SEC23B: variants seen among roughly 807,000 people sequenced by gnomAD.
SEC23B encodes SEC23 homolog B, COPII component, also known as protein transport protein Sec23B.
Under a neutral mutation model 104.3 loss-of-function variants are expected in SEC23B, and 77 were observed. The observed-to-expected ratio is 0.74, with a 90% CI of 0.61 to 0.89. The LOEUF (loss-of-function observed/expected upper bound fraction) is 0.89. Ranked by LOEUF, SEC23B falls within the 40% of genes least tolerant of loss-of-function variation. The pLI is 0.00. For missense variants in SEC23B, 885 were observed against 949.4 expected (o/e 0.93, Z 0.89); for synonymous variants, 338 against 332.5 (o/e 1.02, Z -0.18).
Position 18,511,052 on chromosome 20 carries a change from C to T in SEC23B, c.217C>T (p.Leu73Phe), listed in dbSNP as rs752891023. The change falls in exon 2 of 20, where the codon CTT (leucine) becomes TTT (phenylalanine). Residue 73 changes from leucine (L) to phenylalanine (F), a missense_variant. Transcript: ENST00000650089. ...RPTCKAVLNP[L>F]CQVDYRAKLW... ...AACTTGTAAAGCTGTTCTCAACCCA[C>T]TTTGGTATGGATTCTTTTGAAACTG... 6.2e-7 allele frequency: 1 copy of T among 1,605,322 alleles called. No individual in the cohort carries two copies. Among genetic ancestry groups the T allele is most frequent in the Non-Finnish European group, 8.5e-7 (1 of 1,171,964 alleles).
intron 19 of SEC23B, among the ~76,000 whole-genome samples, chr20:18,557,745 C>CTTTTTTTTTTTTTTTTTTTTTTTTT (rs11477198): frequency 7.7e-5 from 9 of 116,822 alleles, no homozygotes; most frequent in Non-Finnish European, 1.1e-4. Flanking sequence ...TTTTTCTTTT[C>CTTTTTTTTTTTTTTTTTTTTTTTTT]TTTTTTTTTT....
chr20:18,516,832 C>T lies in SEC23B; in HGVS notation c.366+1096C>T, dbSNP rs566738973. Among the ~76,000 whole-genome samples, 5 of 152,104 alleles carry T rather than the reference C, an allele frequency of 3.3e-5. No homozygotes were observed. In the East Asian group the frequency reaches 5.8e-4, roughly 18 times the overall value. On this transcript the variant is annotated intron_variant, in intron 4 of 19. Coordinates refer to ENST00000650089, the MANE Select transcript of SEC23B (RefSeq NM_006363.6). ...CTTCCGAAAGTGCTGGGATTACAGG[C>T]GTGAGCCACCGCACCCGGCCACATT...
chr20:18,517,922 T>C (rs769798111), intron 4 of SEC23B, among the ~76,000 whole-genome samples: 13 of 152,020 alleles, frequency 8.6e-5, no homozygotes, highest in Non-Finnish European at 1.9e-4. Flanking sequence ...AATTAGAGAG[T>C]GTCCAAGGGA....
chr20:18,510,405 G>A (rs1208434986), intron 1 of SEC23B, among the ~76,000 whole-genome samples: 1 of 152,196 alleles, frequency 6.6e-6, no homozygotes, highest in Admixed American at 6.5e-5. Context: ...TGACTTTTGG[G>A]TATCAGATGG....
chr20:18,528,343 T>C (rs1460603783), intron 9 of SEC23B, among the ~76,000 whole-genome samples: 2 of 152,168 alleles, frequency 1.3e-5, no homozygotes, highest in African/African-American at 4.8e-5. Context: ...CCTCAGAGAT[T>C]CTAATTTAAT....
chr20:18,539,344 A>C (rs1470109069), intron 12 of SEC23B, among the ~76,000 whole-genome samples: 1 of 151,554 alleles, frequency 6.6e-6, no homozygotes, highest in Admixed American at 6.6e-5. Flanking sequence ...TCTCTACTAA[A>C]AATACAAAAA....
At chr20:18,523,405 T>TTTTTTTTTTTC (rs2060102781) in intron 4 of SEC23B, among the ~76,000 whole-genome samples, 1 of 145,258 alleles carries the variant, frequency 6.9e-6, no homozygotes, top group East Asian at 2.0e-4. Context: ...TTCTTTTTTT[T>TTTTTTTTTTTC]TTTTTTTTCT....
intron 12 of SEC23B, among the ~76,000 whole-genome samples, chr20:18,540,948 C>T (rs2060282006): frequency 1.3e-5 from 2 of 152,242 alleles, no homozygotes; most frequent in South Asian, 2.1e-4. Context: ...TGACTTCTCT[C>T]TAGCTATGAG....
rs398035473 is a variant in SEC23B, at chr20:18,508,716, C to CTTTTTTTTTTT, written c.-15+755_-15+765dup. On this transcript the variant is annotated intron_variant, in intron 1 of 19. Coordinates refer to ENST00000650089, the MANE Select transcript of SEC23B (RefSeq NM_006363.6). ...AACCATTAGATGGAGGCAGTAGCTT[C>CTTTTTTTTTTT]TTTTTTTTTTTTTTTTTTTTTGAGA... Among the ~76,000 whole-genome samples the CTTTTTTTTTTT allele has an allele frequency of 2.1e-4, 20 of 97,486 alleles. 1 individual carries two copies. The highest frequency in any genetic ancestry group is 5.4e-4 in the African/African-American group (13 of 24,278). The allele number at this position is 97,486 out of a possible 152,430, so 64.0% of individuals were successfully genotyped here. A position where few individuals can be genotyped will look rare whatever the true frequency, so the allele number is the denominator to read the frequency against.
rs2060136102 is a variant in SEC23B, at chr20:18,526,545, G to A, written c.993+14G>A. ...AAGGCAACCAAGGTAGGTGCTCTTGGGTATGGGCTGTAATTCTGAAAGCCC... is the reference window on the plus strand; with the variant it reads ...AAGGCAACCAAGGTAGGTGCTCTTGAGTATGGGCTGTAATTCTGAAAGCCC... On this transcript the variant is annotated intron_variant, in intron 8 of 19. Transcript: ENST00000650089. 1.2e-6 allele frequency: 2 copies of A among 1,613,938 alleles called. No individual in the cohort carries two copies. The highest frequency in any genetic ancestry group is 1.1e-5 in the South Asian group (1 of 91,048).
chr20:18,556,816 T>C (rs920380679), intron 19 of SEC23B, among the ~76,000 whole-genome samples: 9 of 152,024 alleles, frequency 5.9e-5, no homozygotes, highest in African/African-American at 2.2e-4. Flanking sequence ...GCCAACACGG[T>C]GAAACCCCCG....
Position 18,508,716 on chromosome 20 carries a change from CTTTTTTTTTTT to C in SEC23B, c.-15+755_-15+765del, listed in dbSNP as rs398035473. ...AACCATTAGATGGAGGCAGTAGCTTCTTTTTTTTTTTTTTTTTTTTTGAGATGGAGTCTCGC... is the reference window on the plus strand; with the variant it reads ...AACCATTAGATGGAGGCAGTAGCTTCTTTTTTTTTTGAGATGGAGTCTCGC... On this transcript the variant is annotated intron_variant, in intron 1 of 19. Transcript: ENST00000650089. Among the ~76,000 whole-genome samples the C allele has an allele frequency of 4.1e-5, 4 of 97,482 alleles. No homozygotes were observed. The South Asian group carries it at 1.1e-3, about 27-fold the overall frequency. 64.0% of individuals were successfully genotyped at this position (97,482 alleles called of 152,430 possible).
At chr20:18,541,157 G>A (rs1451480039) in intron 12 of SEC23B, among the ~76,000 whole-genome samples, 2 of 152,234 alleles carry the variant, frequency 1.3e-5, no homozygotes, top group Non-Finnish European at 2.9e-5. Flanking sequence ...CCAGCTTCCA[G>A]CTTTCTCCTG....
At chr20:18,559,780 G>C (rs2060475381) in intron 19 of SEC23B, among the ~76,000 whole-genome samples, 1 of 152,124 alleles carries the variant, frequency 6.6e-6, no homozygotes, top group African/African-American at 2.4e-5. Context: ...TCACTGCTGT[G>C]CATCCTTGGG....
intron 11 of SEC23B, among the ~76,000 whole-genome samples, chr20:18,534,083 T>A (rs1254156762): frequency 6.6e-6 from 1 of 152,236 alleles, no homozygotes; most frequent in Non-Finnish European, 1.5e-5. Flanking sequence ...CATTTTGCCA[T>A]AATTGCTCTG....
intron 14 of SEC23B, among the ~76,000 whole-genome samples, chr20:18,543,705 T>C (rs1038409173): frequency 1.3e-5 from 2 of 152,118 alleles, no homozygotes; most frequent in Admixed American, 1.3e-4. Context: ...CCAAAGGAAG[T>C]GCCCTTCTCC....
chr20:18,536,746 G>A (rs2060235511), intron 12 of SEC23B, among the ~76,000 whole-genome samples: 1 of 151,588 alleles, frequency 6.6e-6, no homozygotes, highest in African/African-American at 2.4e-5. Context: ...TTAACTACTA[G>A]TAGTCCACTG....
At chr20:18,515,849 C>G (rs1317556702) in intron 4 of SEC23B, 113 bp downstream of exon 4, 1 of 740,466 alleles carries the variant, frequency 1.4e-6, no homozygotes, top group Non-Finnish European at 2.4e-6. Context: ...GTGAGGGCAG[C>G]AGGATCCTAA....
chr20:18,537,598 AG>A (rs1022227129), intron 12 of SEC23B, among the ~76,000 whole-genome samples: 3 of 151,788 alleles, frequency 2.0e-5, no homozygotes, highest in Admixed American at 6.6e-5. Context: ...GGGTGGGGGA[AG>A]GGGGGAGGAA....
Sources: gnomAD v4.1 joint callset for allele counts (sites outside exome capture counted in the v4.1 genomes callset) on GRCh38, gnomAD v4.1.1 for gene constraint, MANE v1.5 for transcripts, NCBI Gene and HGNC (gene_info 2026-07-23, HGNC 2026-07-21) for gene names.